GRM7: variants seen among roughly 807,000 people sequenced by gnomAD.
GRM7 encodes glutamate metabotropic receptor 7.
GRM7 carries 35 observed loss-of-function variants against 84.5 expected under a neutral mutation model. The observed-to-expected ratio is 0.41, with a 90% confidence interval of 0.32 to 0.55. The LOEUF is 0.55. Among genes scored for constraint, GRM7 ranks in the 20% least tolerant of loss-of-function variants. GRM7 has a pLI of 0.19. For missense variants in GRM7, 1,003 were observed against 1,194.6 expected (o/e 0.84, Z 2.36); for synonymous variants, 487 against 455.1 (o/e 1.07, Z -0.89).
intron 1 of GRM7, among the ~76,000 whole-genome samples, chr3:7,067,669 G>A (rs1017878695): frequency 6.6e-6 from 1 of 151,904 alleles, no homozygotes; most frequent in Non-Finnish European, 1.5e-5. Context: ...GGCTCCATGG[G>A]TCAAGTCTGG....
chr3:7,157,148 C>G (rs1268426019), intron 2 of GRM7, among the ~76,000 whole-genome samples: 1 of 152,048 alleles, frequency 6.6e-6, no homozygotes, highest in African/African-American at 2.4e-5. Context: ...CCATGGAGGC[C>G]TTCAATTCTG....
chr3:7,103,760 T>TTCTTTCTTTC (rs1699191660), intron 1 of GRM7, among the ~76,000 whole-genome samples: 1 of 58,544 alleles, frequency 1.7e-5, no homozygotes, highest in East Asian at 4.1e-4. Flanking sequence ...CTTTCTTTCT[T>TTCTTTCTTTC]TCTTTCTTTC....
Position 7,741,095 on chromosome 3 carries a change from C to T in GRM7, c.*689C>T, listed in dbSNP as rs1360933051. ...CCTATCTTTGGTATATGATAGGTTA[C>T]ATAAAAGGAAGGTATTGGCTGAACT... On this transcript the variant is annotated 3_prime_UTR_variant, in exon 10 of 10. Coordinates refer to ENST00000357716, the MANE Select transcript of GRM7 (RefSeq NM_000844.4). 1 of 152,144 alleles carries T rather than the reference C, an allele frequency of 6.6e-6. No individual in the cohort carries two copies. Among genetic ancestry groups the T allele is most frequent in the Non-Finnish European group, 1.5e-5 (1 of 67,976 alleles). 9.4% of individuals were successfully genotyped at this position (152,144 alleles called of 1,614,324 possible). A position where few individuals can be genotyped will look rare whatever the true frequency, so the allele number is the denominator to read the frequency against.
chr3:7,312,722 T>G (rs958905705), intron 4 of GRM7, among the ~76,000 whole-genome samples: 23 of 152,034 alleles, frequency 1.5e-4, no homozygotes, highest in Non-Finnish European at 2.9e-4. Flanking sequence ...GGATGGATGA[T>G]GACATTATCT....
intron 5 of GRM7, among the ~76,000 whole-genome samples, chr3:7,428,724 G>T (rs1481219487): frequency 6.6e-6 from 1 of 152,134 alleles, no homozygotes; most frequent in Non-Finnish European, 1.5e-5. Context: ...AACTTACAAT[G>T]CTAGCACAGG....
At chr3:7,693,053 T>C (rs916673663) in intron 9 of GRM7, among the ~76,000 whole-genome samples, 1 of 151,784 alleles carries the variant, frequency 6.6e-6, no homozygotes, top group African/African-American at 2.4e-5. Flanking sequence ...TTTTTGATGG[T>C]CTAAAAATTT....
At chr3:7,292,729 A>ATTTT (rs1699676846) in intron 2 of GRM7, among the ~76,000 whole-genome samples, 1 of 148,014 alleles carries the variant, frequency 6.8e-6, no homozygotes, top group African/African-American at 2.6e-5. Flanking sequence ...TTTTTTTTAA[A>ATTTT]AAAAAAAACA....
At chr3:7,263,547 C>T (rs543840001) in intron 2 of GRM7, among the ~76,000 whole-genome samples, 273 of 152,296 alleles carry the variant, frequency 1.8e-3, no homozygotes, top group African/African-American at 6.4e-3. Flanking sequence ...GCGGCTCCAC[C>T]TCCACCTCAC....
chr3:7,184,866 G>A (rs1337753800), intron 2 of GRM7, among the ~76,000 whole-genome samples: 1 of 151,874 alleles, frequency 6.6e-6, no homozygotes, highest in East Asian at 1.9e-4. Flanking sequence ...AATGATTGTT[G>A]TTCTATGCTC....
intron 7 of GRM7, among the ~76,000 whole-genome samples, chr3:7,545,830 T>G (rs1245205434): frequency 6.6e-6 from 1 of 152,170 alleles, no homozygotes; most frequent in East Asian, 1.9e-4. Context: ...TTAAAATTTG[T>G]GTATTTTTCT....
chr3:7,333,277 G>T (rs960592890), intron 4 of GRM7, among the ~76,000 whole-genome samples: 17 of 152,120 alleles, frequency 1.1e-4, no homozygotes, highest in African/African-American at 4.1e-4. Context: ...CACCTGAGCA[G>T]GTGCTGGACC....
intron 8 of GRM7, among the ~76,000 whole-genome samples, chr3:7,659,896 G>C (rs1438614446): frequency 6.6e-6 from 1 of 152,106 alleles, no homozygotes; most frequent in Non-Finnish European, 1.5e-5. Flanking sequence ...TTGGTACTAG[G>C]GCTAGGCAAA....
At chr3:7,311,488 C>T (rs897486375) in intron 4 of GRM7, among the ~76,000 whole-genome samples, 1 of 152,096 alleles carries the variant, frequency 6.6e-6, no homozygotes, top group African/African-American at 2.4e-5. Flanking sequence ...ATATTTCTCA[C>T]CCATGTAAAG....
intron 1 of GRM7, among the ~76,000 whole-genome samples, chr3:7,046,374 A>G (rs1696808999): frequency 6.6e-6 from 1 of 152,156 alleles, no homozygotes; most frequent in South Asian, 2.1e-4. Flanking sequence ...AGTCTTACAT[A>G]TGATGTTTAT....
intron 2 of GRM7, among the ~76,000 whole-genome samples, chr3:7,162,047 A>G (rs749867306): frequency 2.0e-5 from 3 of 152,182 alleles, no homozygotes; most frequent in Non-Finnish European, 4.4e-5. Flanking sequence ...GTGAACAACT[A>G]ATTGGATGGT....
chr3:7,740,079 A>G (rs1169427048), intron 9 of GRM7, among the ~76,000 whole-genome samples: 1 of 152,224 alleles, frequency 6.6e-6, no homozygotes, highest in Non-Finnish European at 1.5e-5. Flanking sequence ...TTGATTAGAA[A>G]GCATAACAAC....
intron 1 of GRM7, among the ~76,000 whole-genome samples, chr3:7,009,482 T>G (rs2124891492): frequency 6.6e-6 from 1 of 152,330 alleles, no homozygotes; most frequent in South Asian, 2.1e-4. Flanking sequence ...ATCCATTTTC[T>G]TATGTATCTA....
At chr3:7,724,226 A>G (rs1235570596) in intron 9 of GRM7, among the ~76,000 whole-genome samples, 3 of 152,178 alleles carry the variant, frequency 2.0e-5, no homozygotes, top group Non-Finnish European at 4.4e-5. Flanking sequence ...ACAATGAAGC[A>G]AGGACATTTT....
chr3:6,896,710 A>G (rs1345799519), intron 1 of GRM7, among the ~76,000 whole-genome samples: 1 of 152,066 alleles, frequency 6.6e-6, no homozygotes, highest in Non-Finnish European at 1.5e-5. Flanking sequence ...TTGCTACATT[A>G]TTCTTCATTT....
Sources: allele counts gnomAD v4.1 joint callset (sites outside exome capture counted in the v4.1 genomes callset), GRCh38; gene constraint gnomAD v4.1.1; transcripts MANE v1.5; gene names NCBI Gene and HGNC (gene_info 2026-07-23, HGNC 2026-07-21).